The following ERBB4 variants were observed in gnomAD, a reference collection of about 807,000 sequenced individuals.
ERBB4 encodes erb-b2 receptor tyrosine kinase 4, also known as receptor tyrosine-protein kinase erbB-4.
Under a neutral mutation model 158.0 loss-of-function variants are expected in ERBB4, and 42 were observed. The ratio of observed to expected loss-of-function variants is 0.27; its 90% confidence interval spans 0.21 to 0.34. The LOEUF (loss-of-function observed/expected upper bound fraction) is 0.34. Ranked by LOEUF, ERBB4 falls within the 10% of genes least tolerant of loss-of-function variation. The pLI is 1.00. For missense variants in ERBB4, 1,333 were observed against 1,624.1 expected (o/e 0.82, Z 3.08); for synonymous variants, 583 against 558.7 (o/e 1.04, Z -0.61).
intron 5 of ERBB4, among the ~76,000 whole-genome samples, chr2:211,738,368 T>TTG (rs2074676525): frequency 2.0e-5 from 3 of 148,470 alleles, no homozygotes; most frequent in African/African-American, 4.9e-5. Flanking sequence ...TTTGTTTTTT[T>TTG]TTTTTTTTTT....
At chr2:211,570,945 T>TA in intron 19 of ERBB4, among the ~76,000 whole-genome samples, 1 of 152,216 alleles carries the variant, frequency 6.6e-6, no homozygotes, top group Non-Finnish European at 1.5e-5. Flanking sequence ...TGCATTGTTT[T>TA]ATCTCACTGA....
chr2:211,577,351 G>T (rs1023158572), intron 19 of ERBB4, among the ~76,000 whole-genome samples: 1 of 152,060 alleles, frequency 6.6e-6, no homozygotes, highest in East Asian at 1.9e-4. Flanking sequence ...GCAAAATGGG[G>T]ATTTCCTATT....
rs184933597 is a variant in ERBB4 at position 211,585,123 on chromosome 2, C to T, written c.2302-23035G>A. Among the ~76,000 whole-genome samples the T allele has an allele frequency of 7.1e-3, 1,072 of 152,044 alleles. 16 individuals are homozygous for T. Among genetic ancestry groups the T allele is most frequent in the African/African-American group, 0.023 (963 of 41,512 alleles). ...ATCCCAGCACTTTAGGAGGCCGAGG[C>T]GGGCGGATCACGAAGTCAGGAGATC... On this transcript the variant is annotated intron_variant, in intron 19 of 27. Transcript: ENST00000342788.
chr2:211,905,700 GTATGTGTGTGTATA>G (rs1327486400), intron 3 of ERBB4, among the ~76,000 whole-genome samples: 2 of 126,768 alleles, frequency 1.6e-5, no homozygotes, highest in East Asian at 2.2e-4. Flanking sequence ...ATATGTGTGT[GTATGTGTGTGTATA>G]TATGTGTGTG....
chr2:212,348,437 A>G (rs1007813188), intron 1 of ERBB4, among the ~76,000 whole-genome samples: 1 of 152,160 alleles, frequency 6.6e-6, no homozygotes, highest in Non-Finnish European at 1.5e-5. Flanking sequence ...AAAAGAAAAG[A>G]AAGGGATTAG....
chr2:211,767,108 C>T (rs558662884), intron 4 of ERBB4, among the ~76,000 whole-genome samples: 164 of 152,280 alleles, frequency 1.1e-3, no homozygotes, highest in African/African-American at 3.7e-3. Context: ...TTGCTCAAGG[C>T]TACTCCCACT....
At chr2:212,349,699 C>T (rs1345818008) in intron 1 of ERBB4, among the ~76,000 whole-genome samples, 2 of 151,970 alleles carry the variant, frequency 1.3e-5, no homozygotes, top group African/African-American at 4.8e-5. Flanking sequence ...ACATTCAAAA[C>T]CAGAGGAAAA....
chr2:211,977,414 A>AT (rs756119414), intron 2 of ERBB4, among the ~76,000 whole-genome samples: 35 of 146,576 alleles, frequency 2.4e-4, no homozygotes, highest in South Asian at 4.3e-4. Context: ...CAAATCTATT[A>AT]TTTTTTGTTT....
chr2:212,123,474 T>C (rs1261375289), intron 2 of ERBB4, among the ~76,000 whole-genome samples: 1 of 152,162 alleles, frequency 6.6e-6, no homozygotes, highest in African/African-American at 2.4e-5. Flanking sequence ...AATTCTATGA[T>C]TCAGATATCC....
chr2:211,868,224 T>C (rs1165918117), intron 3 of ERBB4, among the ~76,000 whole-genome samples: 1 of 149,244 alleles, frequency 6.7e-6, no homozygotes, highest in Admixed American at 6.6e-5. Context: ...AACTGAAAGT[T>C]GATCTGGACA....
chr2:211,584,344 T>C (rs2068198442), intron 19 of ERBB4, among the ~76,000 whole-genome samples: 1 of 152,008 alleles, frequency 6.6e-6, no homozygotes, highest in Non-Finnish European at 1.5e-5. Context: ...GGTAATTCAT[T>C]TGTACATTTG....
intron 1 of ERBB4, among the ~76,000 whole-genome samples, chr2:212,284,122 A>C (rs1210231175): frequency 6.6e-6 from 1 of 152,134 alleles, no homozygotes; most frequent in Non-Finnish European, 1.5e-5. Context: ...ATAATTTATC[A>C]AAGTTTTTAT....
At chr2:212,463,701 A>T in intron 1 of ERBB4, among the ~76,000 whole-genome samples, 1 of 152,074 alleles carries the variant, frequency 6.6e-6, no homozygotes, top group East Asian at 1.9e-4. Context: ...AATACTGACA[A>T]TCTGAGAGGC....
In ERBB4 at chr2:211,475,687, C is replaced by T. The variant is rs148923354; in HGVS notation, c.2488-44587G>A. On this transcript the variant is annotated intron_variant, in intron 20 of 27. Coordinates refer to ENST00000342788, the MANE Select transcript of ERBB4 (RefSeq NM_005235.3). ...CACAAGAGGGCAGAATAATATTACC[C>T]CTTGTCAAAATTGGACTAGACCTAA... Among the ~76,000 whole-genome samples, 654 of 152,056 alleles carry T rather than the reference C, an allele frequency of 4.3e-3. 5 individuals carry two copies. Among genetic ancestry groups the T allele is most frequent in the African/African-American group, 0.015 (632 of 41,474 alleles).
intron 7 of ERBB4, among the ~76,000 whole-genome samples, chr2:211,716,451 C>T (rs1484886277): frequency 4.1e-5 from 6 of 145,748 alleles, no homozygotes; most frequent in South Asian, 2.2e-4. Context: ...CCAAGGTGGG[C>T]GGATCACGAG....
chr2:212,185,174 C>T (rs1044324885), intron 1 of ERBB4, among the ~76,000 whole-genome samples: 1 of 151,912 alleles, frequency 6.6e-6, no homozygotes, highest in Admixed American at 6.6e-5. Flanking sequence ...GTGCACACCA[C>T]CACATTCAGC....
At chr2:211,513,252 G>A (rs2125619097) in intron 20 of ERBB4, among the ~76,000 whole-genome samples, 2 of 151,736 alleles carry the variant, frequency 1.3e-5, no homozygotes, top group Middle Eastern at 3.4e-3. Context: ...AAATCAGGCT[G>A]AGGCAGGAGA....
chr2:212,501,552 A>C (rs2106241440), intron 1 of ERBB4, among the ~76,000 whole-genome samples: 1 of 152,322 alleles, frequency 6.6e-6, no homozygotes, highest in Middle Eastern at 3.4e-3. Flanking sequence ...AGCCACAGAA[A>C]AGAAATTTTC....
chr2:212,530,829 G>A (rs773394662), intron 1 of ERBB4, among the ~76,000 whole-genome samples: 20 of 152,282 alleles, frequency 1.3e-4, no homozygotes, highest in Non-Finnish European at 2.5e-4. Context: ...AGGTGAAACC[G>A]ATTGTTTACA....
Sources: gnomAD v4.1 joint callset for allele counts (sites outside exome capture counted in the v4.1 genomes callset) on GRCh38, gnomAD v4.1.1 for gene constraint, MANE v1.5 for transcripts, NCBI Gene and HGNC (gene_info 2026-07-23, HGNC 2026-07-21) for gene names.